Variants in SDK1 observed in about 807,000 individuals in gnomAD.
The protein encoded by SDK1 is protein sidekick-1.
In SDK1, 157 loss-of-function variants were observed where a neutral mutation model predicts 245.5. The ratio of observed to expected loss-of-function variants is 0.64; its 90% CI spans 0.56 to 0.73. The LOEUF (loss-of-function observed/expected upper bound fraction) is 0.73. Ranked by LOEUF, SDK1 falls within the 30% of genes least tolerant of loss-of-function variation. The pLI is 0.00. For missense variants in SDK1, 3,583 were observed against 3,002.3 expected (o/e 1.19, Z -4.52); for synonymous variants, 1,647 against 1,278.5 (o/e 1.29, Z -6.15).
intron 1 of SDK1, among the ~76,000 whole-genome samples, chr7:3,535,307 A>G (rs1357931040): frequency 6.6e-6 from 1 of 152,174 alleles, no homozygotes; most frequent in African/African-American, 2.4e-5. Flanking sequence ...GTTAGGCTAT[A>G]AAGAGTCCCT....
At chr7:4,231,582 A>G (rs574348086) in intron 40 of SDK1, among the ~76,000 whole-genome samples, 2 of 151,960 alleles carry the variant, frequency 1.3e-5, no homozygotes, top group Admixed American at 6.5e-5. Context: ...TCAAAAAAAA[A>G]AAAGAAAGGA....
At chr7:3,724,188 C>T (rs1396672719) in intron 4 of SDK1, among the ~76,000 whole-genome samples, 2 of 152,026 alleles carry the variant, frequency 1.3e-5, no homozygotes, top group Non-Finnish European at 2.9e-5. Flanking sequence ...TGGTCTCGAA[C>T]TCCTGACCTC....
chr7:3,331,023 T>C (rs920170254), intron 1 of SDK1, among the ~76,000 whole-genome samples: 4 of 152,022 alleles, frequency 2.6e-5, no homozygotes, highest in African/African-American at 7.3e-5. Flanking sequence ...TCCTGCACTT[T>C]GGGAGGCCAA....
At chr7:4,205,479 C>G (rs887090282) in intron 35 of SDK1, among the ~76,000 whole-genome samples, 9 of 152,196 alleles carry the variant, frequency 5.9e-5, no homozygotes, top group African/African-American at 1.9e-4. Flanking sequence ...CAGCAACCAT[C>G]AGACCAGCCC....
intron 35 of SDK1, among the ~76,000 whole-genome samples, chr7:4,181,412 G>A (rs575389659): frequency 1.1e-4 from 16 of 152,358 alleles, no homozygotes; most frequent in African/African-American, 1.4e-4. Flanking sequence ...GTGGGAGAGC[G>A]AAGAGCTTTT....
At chr7:3,714,304 T>G (rs1238612134) in intron 4 of SDK1, among the ~76,000 whole-genome samples, 1 of 152,192 alleles carries the variant, frequency 6.6e-6, no homozygotes, top group Non-Finnish European at 1.5e-5. Context: ...TTGTAAAATA[T>G]GAAGGAAAAT....
rs1412611930 is a variant in SDK1, at chr7:4,053,658, TG to T, written c.2911+1829del. 2.0e-5 allele frequency among the ~76,000 whole-genome samples: 3 copies of T among 152,070 alleles called. No individual in the cohort carries two copies. In the East Asian group the frequency reaches 5.8e-4, roughly 29 times the overall value. The stretch of plus-strand genomic sequence containing the variant: ...ACCCTTGGCAGCCTAGCTTTCTCCT[TG>T]CCACTCTCCTGGAACAATCTCGCCA... On this transcript the variant is annotated intron_variant, in intron 19 of 44. Transcript: ENST00000404826.
At chr7:3,631,330 C>T (rs958629122) in intron 2 of SDK1, among the ~76,000 whole-genome samples, 12 of 152,190 alleles carry the variant, frequency 7.9e-5, no homozygotes, top group Admixed American at 7.2e-4. Context: ...ACTCTTTTCT[C>T]AGTTGGTTTC....
intron 40 of SDK1, among the ~76,000 whole-genome samples, chr7:4,225,359 G>A (rs1344749961): frequency 6.6e-6 from 1 of 152,210 alleles, no homozygotes; most frequent in African/African-American, 2.4e-5. Context: ...GTCCTCCCCA[G>A]CCTGCTCGGA....
At chr7:4,016,128 C>G (rs995798081) in intron 16 of SDK1, among the ~76,000 whole-genome samples, 5 of 152,248 alleles carry the variant, frequency 3.3e-5, no homozygotes, top group Admixed American at 3.3e-4. Flanking sequence ...GTGCCCTGCC[C>G]GCGTGGGACC....
In SDK1 at chr7:3,519,684, G is replaced by A. The variant is rs570065178; in HGVS notation, c.299-99396G>A. ...CTGTCTCTGTTACATCCAGAGATACGCATAAAAAATATGTAGAGGATTAGT... is the reference window on the plus strand; with the variant it reads ...CTGTCTCTGTTACATCCAGAGATACACATAAAAAATATGTAGAGGATTAGT... On this transcript the variant is annotated intron_variant, in intron 1 of 44. Coordinates refer to ENST00000404826, the MANE Select transcript of SDK1 (RefSeq NM_152744.4). Among the ~76,000 whole-genome samples, 6 of 152,126 alleles carry A rather than the reference G, an allele frequency of 3.9e-5. No individual in the cohort carries two copies. In the East Asian group the frequency reaches 5.8e-4, roughly 15 times the overall value.
At chr7:3,835,827 C>G (rs1051298834) in intron 5 of SDK1, among the ~76,000 whole-genome samples, 1 of 152,148 alleles carries the variant, frequency 6.6e-6, no homozygotes, top group African/African-American at 2.4e-5. Flanking sequence ...TTGGGATGTT[C>G]TAAGTCAGGG....
At chr7:4,205,755 A>G in intron 35 of SDK1, 124 bp from the exon 36 acceptor site, 2 of 786,232 alleles carry the variant, frequency 2.5e-6, no homozygotes. Flanking sequence ...CGGCCCAGGG[A>G]AGAATCTCTC....
chr7:3,998,898 C>T (rs955862772), intron 14 of SDK1, among the ~76,000 whole-genome samples: 1 of 152,172 alleles, frequency 6.6e-6, no homozygotes, highest in Admixed American at 6.5e-5. Flanking sequence ...CCATGTGTCC[C>T]TTTATGCCTT....
intron 4 of SDK1, among the ~76,000 whole-genome samples, chr7:3,779,645 T>C (rs1358494891): frequency 6.6e-6 from 1 of 152,120 alleles, no homozygotes; most frequent in Non-Finnish European, 1.5e-5. Flanking sequence ...AAAGTTAAGA[T>C]GATGAGTCCG....
At chr7:3,889,267 C>G (rs1326233157) in intron 5 of SDK1, among the ~76,000 whole-genome samples, 1 of 152,236 alleles carries the variant, frequency 6.6e-6, no homozygotes, top group African/African-American at 2.4e-5. Flanking sequence ...TCCAAAGGCA[C>G]TCACATTGGT....
intron 17 of SDK1, among the ~76,000 whole-genome samples, chr7:4,028,528 A>G (rs1247416033): frequency 6.6e-6 from 1 of 152,200 alleles, no homozygotes; most frequent in East Asian, 1.9e-4. Context: ...TGACTTTGGG[A>G]AAAAGGTGGA....
chr7:3,717,573 G>A (rs1229896900), intron 4 of SDK1, among the ~76,000 whole-genome samples: 1 of 152,152 alleles, frequency 6.6e-6, no homozygotes, highest in Non-Finnish European at 1.5e-5. Context: ...CACTAATGTT[G>A]TAAATGAAAT....
At chr7:3,982,691 T>G (rs1259473169) in intron 13 of SDK1, among the ~76,000 whole-genome samples, 1 of 151,994 alleles carries the variant, frequency 6.6e-6, no homozygotes, top group Non-Finnish European at 1.5e-5. Flanking sequence ...ATACAAAAAA[T>G]TAGCCGGGCT....
Sources: allele counts gnomAD v4.1 joint callset (sites outside exome capture counted in the v4.1 genomes callset), GRCh38; gene constraint gnomAD v4.1.1; transcripts MANE v1.5; gene names NCBI Gene and HGNC (gene_info 2026-07-23, HGNC 2026-07-21).